HPSE2: variants seen among roughly 807,000 people sequenced by gnomAD.
HPSE2 encodes heparanase 2 (inactive).
HPSE2 carries 38 observed loss-of-function variants against 60.5 expected under a neutral mutation model. That is an observed-to-expected ratio of 0.63 (90% CI 0.48 to 0.82). HPSE2 has a LOEUF of 0.82. Among genes scored for constraint, HPSE2 ranks in the 40% least tolerant of loss-of-function variants. The pLI, the probability that HPSE2 is intolerant of heterozygous loss-of-function variation, is 0.00. For missense variants in HPSE2, 713 were observed against 740.4 expected (o/e 0.96, Z 0.43); for synonymous variants, 295 against 293.2 (o/e 1.01, Z -0.06).
chr10:98,708,185 G>A (rs760209110), intron 5 of HPSE2, among the ~76,000 whole-genome samples: 4 of 152,050 alleles, frequency 2.6e-5, no homozygotes, highest in Non-Finnish European at 1.5e-5. Flanking sequence ...GGCCGGGCAC[G>A]GTGGCTCACG....
At chr10:98,864,762 C>T (rs1732805377) in intron 3 of HPSE2, among the ~76,000 whole-genome samples, 1 of 152,112 alleles carries the variant, frequency 6.6e-6, no homozygotes, top group African/African-American at 2.4e-5. Flanking sequence ...CTTTGACATT[C>T]ATTGTCTGAT....
At chr10:98,493,474 C>G (rs1471162728) in intron 9 of HPSE2, among the ~76,000 whole-genome samples, 1 of 152,080 alleles carries the variant, frequency 6.6e-6, no homozygotes, top group Non-Finnish European at 1.5e-5. Flanking sequence ...TTTTTGTGAT[C>G]TGTAATCAGG....
chr10:98,664,670 T>A (rs1262051630), intron 6 of HPSE2, among the ~76,000 whole-genome samples: 1 of 152,190 alleles, frequency 6.6e-6, no homozygotes, highest in Non-Finnish European at 1.5e-5. Context: ...TAATCCAAAT[T>A]ACAACACTAA....
intron 3 of HPSE2, among the ~76,000 whole-genome samples, chr10:98,791,623 G>A (rs1950657393): frequency 6.6e-6 from 1 of 152,130 alleles, no homozygotes; most frequent in African/African-American, 2.4e-5. Flanking sequence ...TAAAACAAAC[G>A]CAGTTGTGTT....
Position 98,571,943 on chromosome 10 carries a change from T to TC in HPSE2, c.1320+42960_1320+42961insG, listed in dbSNP as rs59064453. Among the ~76,000 whole-genome samples the TC allele has an allele frequency of 1.6e-4, 22 of 136,424 alleles. 1 individual carries two copies. Among genetic ancestry groups the TC allele is most frequent in the African/African-American group, 3.2e-4 (12 of 38,072 alleles). The allele number at this position is 136,424 out of a possible 152,430, so 89.5% of individuals were successfully genotyped here. A position where few individuals can be genotyped will look rare whatever the true frequency, so the allele number is the denominator to read the frequency against. On this transcript the variant is annotated intron_variant, in intron 9 of 11. Transcript: ENST00000370552. ...TCAGAGCAAGAGAATTCCTTTTCTT[T>TC]TTTTTTTTTTTTTGAGACGGAGTCT...
chr10:99,293,688 T>C, the HPSE2 span, among the ~76,000 whole-genome samples: 1 of 152,166 alleles, frequency 6.6e-6, no homozygotes, highest in Non-Finnish European at 1.5e-5. Context: ...TTAAAAAGTA[T>C]ATAGTGACAA....
intron 3 of HPSE2, among the ~76,000 whole-genome samples, chr10:98,814,664 T>C (rs1421458628): frequency 6.6e-6 from 1 of 152,236 alleles, no homozygotes; most frequent in Non-Finnish European, 1.5e-5. Flanking sequence ...CTGCAATTTA[T>C]TGCATGCTTG....
chr10:99,298,312 G>GT, the HPSE2 span, among the ~76,000 whole-genome samples: 7 of 152,184 alleles, frequency 4.6e-5, no homozygotes, highest in African/African-American at 1.7e-4. Flanking sequence ...ATCTACTTTT[G>GT]TAACACCTTG....
intron 3 of HPSE2, among the ~76,000 whole-genome samples, chr10:98,828,170 C>T (rs1951596710): frequency 6.6e-6 from 1 of 152,184 alleles, no homozygotes; most frequent in South Asian, 2.1e-4. Flanking sequence ...GTCTCTCAGA[C>T]ATAGTCTATT....
chr10:99,036,834 G>C (rs1309795695), intron 3 of HPSE2, among the ~76,000 whole-genome samples: 2 of 152,042 alleles, frequency 1.3e-5, no homozygotes, highest in Non-Finnish European at 2.9e-5. Flanking sequence ...CGTTTCATGG[G>C]GTGAAGCTTA....
At chr10:99,069,133 G>A (rs1200470702) in intron 3 of HPSE2, among the ~76,000 whole-genome samples, 2 of 152,246 alleles carry the variant, frequency 1.3e-5, no homozygotes, top group East Asian at 1.9e-4. Context: ...ACTTCCCTGC[G>A]AGTACTTCTA....
At chr10:98,553,757 G>A (rs536774621) in intron 9 of HPSE2, among the ~76,000 whole-genome samples, 3 of 152,198 alleles carry the variant, frequency 2.0e-5, no homozygotes, top group East Asian at 1.9e-4. Context: ...TAAGAAAGAC[G>A]AATTTAATTG....
intron 3 of HPSE2, among the ~76,000 whole-genome samples, chr10:98,853,591 G>A (rs1952235048): frequency 6.6e-6 from 1 of 152,056 alleles, no homozygotes; most frequent in Non-Finnish European, 1.5e-5. Context: ...GAGGTGGCAT[G>A]ATTTAGAATA....
intron 9 of HPSE2, among the ~76,000 whole-genome samples, chr10:98,508,908 A>G (rs1228230862): frequency 2.0e-5 from 3 of 152,242 alleles, no homozygotes; most frequent in Admixed American, 1.3e-4. Context: ...AATTCATCTT[A>G]CAATAAATGA....
chr10:98,674,844 C>T (rs954934091), intron 6 of HPSE2, among the ~76,000 whole-genome samples: 3 of 152,094 alleles, frequency 2.0e-5, no homozygotes, highest in Admixed American at 1.3e-4. Flanking sequence ...ACCACTTGAA[C>T]CTGGGAAGTG....
At chr10:98,924,033 G>C (rs888844533) in intron 3 of HPSE2, among the ~76,000 whole-genome samples, 3 of 152,128 alleles carry the variant, frequency 2.0e-5, no homozygotes, top group African/African-American at 7.2e-5. Flanking sequence ...GGGCTTATTT[G>C]TGCCTGTCTT....
chr10:99,235,644 T>A lies in HPSE2; in HGVS notation c.159A>T (p.Ala53=). ...GAATCAGGGTCTTTTCCTTCAAACC[T>A]GCAGCTCTGTCTACAGGCAAGGGTC... is the stretch of plus-strand genomic sequence containing the variant. ...DRRPLPVDRA[A]GLKEKTLILL... Residue 53 remains alanine, a synonymous_variant, in exon 1 of 12, where the codon GCA becomes GCT. Transcript: ENST00000370552. The A allele has an allele frequency of 6.2e-7, 1 of 1,613,990 alleles. No individual in the cohort carries two copies. Among genetic ancestry groups the A allele is most frequent in the South Asian group, 1.1e-5 (1 of 91,076 alleles).
intron 6 of HPSE2, among the ~76,000 whole-genome samples, chr10:98,688,491 T>TTTTTTTTTTTTTTTTTTTTTTTG: frequency 6.9e-6 from 1 of 145,282 alleles, no homozygotes; most frequent in Non-Finnish European, 1.5e-5. Context: ...TTTTTTTTTT[T>TTTTTTTTTTTTTTTTTTTTTTTG]TTGAGGCAGA....
At chr10:99,269,982 G>A in the HPSE2 span, among the ~76,000 whole-genome samples, 1 of 152,310 alleles carries the variant, frequency 6.6e-6, no homozygotes, top group African/African-American at 2.4e-5. Flanking sequence ...CACAGGCAGT[G>A]CTAAGAGGAA....
Sources: allele counts gnomAD v4.1 joint callset (sites outside exome capture counted in the v4.1 genomes callset), GRCh38; gene constraint gnomAD v4.1.1; transcripts MANE v1.5; gene names NCBI Gene and HGNC (gene_info 2026-07-23, HGNC 2026-07-21).